CBL: variants seen among roughly 807,000 people sequenced by gnomAD.
CBL encodes the protein Cbl proto-oncogene.
A neutral mutation model predicts 96.9 loss-of-function variants in CBL; 45 were observed. That is an observed-to-expected ratio of 0.46 (90% CI 0.37 to 0.60). CBL has a LOEUF of 0.60. Ranked by LOEUF, CBL falls within the 20% of genes least tolerant of loss-of-function variation. The pLI is 0.00. For synonymous variants in CBL, 420 were observed against 426.8 expected (o/e 0.98, Z 0.20); for missense variants, 1,024 against 1,143.5 (o/e 0.90, Z 1.51).
intron 1 of CBL, among the ~76,000 whole-genome samples, chr11:119,218,867 A>G (rs1386738034): frequency 6.6e-6 from 1 of 152,052 alleles, no homozygotes; most frequent in East Asian, 1.9e-4. Context: ...AAAAGAAAAA[A>G]CTCATATTCC....
Position 119,302,935 on chromosome 11 carries a change from C to T in CBL, c.*3154C>T, listed in dbSNP as rs112984401. On this transcript the variant is annotated 3_prime_UTR_variant, in exon 16 of 16. Transcript: ENST00000264033. ...CCTCTCTTTCTCTTCTTATACAGACCCTCATTACTGGGGCCCAAGATGTGG... is the reference window on the plus strand; with the variant it reads ...CCTCTCTTTCTCTTCTTATACAGACTCTCATTACTGGGGCCCAAGATGTGG... 7.7e-4 allele frequency: 177 copies of T among 229,606 alleles called. No individual in the cohort carries two copies. The highest frequency in any genetic ancestry group is 2.6e-3 in the Middle Eastern group (2 of 768). 14.2% of individuals were successfully genotyped at this position (229,606 alleles called of 1,614,324 possible). A position where few individuals can be genotyped will look rare whatever the true frequency, so the allele number is the denominator to read the frequency against.
In CBL at chr11:119,300,194, T is replaced by G. The variant is rs1194048861; in HGVS notation, c.*413T>G. ...TGTATGTGTCCTTGTGATTATAAGA[T>G]TAACCTGCTGTGTGTGTTAATTCCA... On this transcript the variant is annotated 3_prime_UTR_variant, in exon 16 of 16. Coordinates refer to ENST00000264033, the MANE Select transcript of CBL (RefSeq NM_005188.4). The G allele has an allele frequency of 6.1e-6, 3 of 489,698 alleles. No homozygotes were observed. The highest frequency in any genetic ancestry group is 1.1e-5 in the Non-Finnish European group (3 of 279,972). 30.3% of individuals were successfully genotyped at this position (489,698 alleles called of 1,614,324 possible).
At chr11:119,219,746 C>T (rs1470358957) in intron 1 of CBL, among the ~76,000 whole-genome samples, 2 of 149,920 alleles carry the variant, frequency 1.3e-5, no homozygotes, top group East Asian at 3.9e-4. Flanking sequence ...TGCAGTGGTG[C>T]GATTTCAGCT....
intron 8 of CBL, 40 bp downstream of exon 8, chr11:119,278,337 A>G (rs2135304016): frequency 6.2e-7 from 1 of 1,612,012 alleles, no homozygotes; most frequent in Non-Finnish European, 8.5e-7. Context: ...CTATGTAATA[A>G]CCTTGGAAAA....
At chr11:119,276,322 G>A (rs1258016615) in intron 6 of CBL, among the ~76,000 whole-genome samples, 188 bp downstream of exon 6, 3 of 152,194 alleles carry the variant, frequency 2.0e-5, no homozygotes, top group Non-Finnish European at 2.9e-5. Flanking sequence ...GATTCCATGA[G>A]TGAAATTATT....
At chr11:119,236,375 G>A (rs183671005) in intron 2 of CBL, among the ~76,000 whole-genome samples, 53 of 151,994 alleles carry the variant, frequency 3.5e-4, no homozygotes, top group Non-Finnish European at 6.5e-4. Flanking sequence ...CGCTTAGAAT[G>A]TTTTTACAAT....
intron 2 of CBL, among the ~76,000 whole-genome samples, chr11:119,246,152 T>A (rs1252860534): frequency 6.6e-6 from 1 of 151,634 alleles, no homozygotes; most frequent in Non-Finnish European, 1.5e-5. Flanking sequence ...TTTTTGTACT[T>A]GTAGTAGAGA....
chr11:119,280,998 T>C (rs1363603828), intron 9 of CBL, among the ~76,000 whole-genome samples: 1 of 152,246 alleles, frequency 6.6e-6, no homozygotes, highest in African/African-American at 2.4e-5. Context: ...AGTTTTCAGT[T>C]TGTACCTGTC....
Position 119,300,514 on chromosome 11 carries a change from G to T in CBL, c.*733G>T, listed in dbSNP as rs954318299. On this transcript the variant is annotated 3_prime_UTR_variant, in exon 16 of 16. Transcript: ENST00000264033. The stretch of plus-strand genomic sequence containing the variant: ...GTTCTTTATTGTGTGTGATGGTATT[G>T]GTTTGTTTGGTAGATAAGTGGGAGG... 7.5e-6 allele frequency: 3 copies of T among 399,820 alleles called. No individual in the cohort carries two copies. Among genetic ancestry groups the T allele is most frequent in the Non-Finnish European group, 1.3e-5 (3 of 226,790 alleles). The allele number at this position is 399,820 out of a possible 1,614,324, so 24.8% of individuals were successfully genotyped here.
At chr11:119,264,825 T>C (rs2135290864) in intron 2 of CBL, among the ~76,000 whole-genome samples, 1 of 152,266 alleles carries the variant, frequency 6.6e-6, no homozygotes, top group Non-Finnish European at 1.5e-5. Context: ...TGAAAGAATT[T>C]TATAACCACC....
chr11:119,275,307 G>C (rs1188584903), intron 5 of CBL, among the ~76,000 whole-genome samples: 1 of 151,844 alleles, frequency 6.6e-6, no homozygotes, highest in Non-Finnish European at 1.5e-5. Context: ...GGTGTGGTGC[G>C]GGTGCCTGTA....
intron 2 of CBL, among the ~76,000 whole-genome samples, chr11:119,270,740 C>T (rs990528744): frequency 2.6e-5 from 4 of 151,954 alleles, no homozygotes; most frequent in African/African-American, 7.3e-5. Flanking sequence ...GCCACCGCGC[C>T]CGGCCATTTT....
At chr11:119,232,879 T>C (rs926797067) in intron 2 of CBL, among the ~76,000 whole-genome samples, 184 bp downstream of exon 2, 1 of 152,238 alleles carries the variant, frequency 6.6e-6, no homozygotes, top group Non-Finnish European at 1.5e-5. Context: ...CTAACTCTGA[T>C]TGATTTGCTT....
At position 119,303,622 on chromosome 11, in the gene CBL, CCT is replaced by C. The variant is rs1234987409; in HGVS notation, c.*3842_*3843del. 4.3e-6 allele frequency: 1 copy of C among 233,564 alleles called. No homozygotes were observed. Among genetic ancestry groups the C allele is most frequent in the Non-Finnish European group, 8.5e-6 (1 of 118,048 alleles). 14.5% of individuals were successfully genotyped at this position (233,564 alleles called of 1,614,324 possible). A position where few individuals can be genotyped will look rare whatever the true frequency, so the allele number is the denominator to read the frequency against. ...ACAGGCCAAGATTCTCCCATTATCC[CCT>C]GTTGTCTCCTGTAGCTTTGATAATG... On this transcript the variant is annotated 3_prime_UTR_variant, in exon 16 of 16. Coordinates refer to ENST00000264033, the MANE Select transcript of CBL (RefSeq NM_005188.4).
chr11:119,207,420 G>T (rs1293990945), intron 1 of CBL, among the ~76,000 whole-genome samples: 1 of 152,260 alleles, frequency 6.6e-6, no homozygotes, highest in Non-Finnish European at 1.5e-5. Flanking sequence ...GCTTGAGCTG[G>T]GTTCTTTTTT....
chr11:119,256,870 C>T (rs533880315), intron 2 of CBL, among the ~76,000 whole-genome samples: 8 of 152,170 alleles, frequency 5.3e-5, no homozygotes, highest in Admixed American at 1.3e-4. Flanking sequence ...CCTCCAGCTC[C>T]GTCCAAGTTG....
intron 2 of CBL, among the ~76,000 whole-genome samples, chr11:119,235,990 G>A (rs1251323037): frequency 6.6e-6 from 1 of 151,868 alleles, no homozygotes; most frequent in African/African-American, 2.4e-5. Context: ...AAATATATAG[G>A]GTTTTTGCGA....
At chr11:119,231,945 A>AAC (rs1949505322) in intron 1 of CBL, among the ~76,000 whole-genome samples, 1 of 151,656 alleles carries the variant, frequency 6.6e-6, no homozygotes, top group African/African-American at 2.4e-5. Flanking sequence ...AAAAAAAAAA[A>AAC]ACAACAATTA....
intron 2 of CBL, among the ~76,000 whole-genome samples, chr11:119,245,721 C>T (rs1391535994): frequency 2.0e-5 from 3 of 152,026 alleles, no homozygotes; most frequent in Non-Finnish European, 1.5e-5. Context: ...AAGAGCAAAA[C>T]TCCGTCTCAA....
Sources: gnomAD v4.1 joint callset for allele counts (sites outside exome capture counted in the v4.1 genomes callset) on GRCh38, gnomAD v4.1.1 for gene constraint, MANE v1.5 for transcripts, NCBI Gene and HGNC (gene_info 2026-07-23, HGNC 2026-07-21) for gene names.